The following TENM2 variants were observed in gnomAD, a reference collection of about 807,000 sequenced individuals.
TENM2 encodes teneurin transmembrane protein 2.
Under a neutral mutation model 245.2 loss-of-function variants are expected in TENM2, and 52 were observed. That is an observed-to-expected ratio of 0.21 (90% CI 0.17 to 0.27). The LOEUF is 0.27. TENM2 is among the 10% of genes least tolerant of loss of function. The pLI, the probability that TENM2 is intolerant of heterozygous loss-of-function variation, is 1.00. For synonymous variants in TENM2, 1,363 were observed against 1,438.9 expected, an observed-to-expected ratio of 0.95 and a Z score of 1.19; for missense variants, 3,046 against 3,666.8, an observed-to-expected ratio of 0.83 and a Z score of 4.37.
chr5:167,489,005 T>C (rs1333892127), intron 2 of TENM2, among the ~76,000 whole-genome samples: 1 of 152,146 alleles, frequency 6.6e-6, no homozygotes, highest in Non-Finnish European at 1.5e-5. Context: ...TTTAGAAATA[T>C]TTCAGTAACC....
intron 2 of TENM2, among the ~76,000 whole-genome samples, chr5:167,776,592 T>TG (rs200986454): frequency 0.014 from 499 of 36,814 alleles, 48 homozygotes; most frequent in African/African-American, 0.088. Flanking sequence ...AGACCCTGTC[T>TG]GAAAAAAAAA....
Position 167,932,371 on chromosome 5 carries a change from C to T in TENM2, c.713-20217C>T, listed in dbSNP as rs1392549192. 4.6e-5 allele frequency among the ~76,000 whole-genome samples: 7 copies of T among 152,096 alleles called. 1 individual carries two copies. The highest frequency in any genetic ancestry group is 1.5e-5 in the Non-Finnish European group (1 of 68,018). On this transcript the variant is annotated intron_variant, in intron 3 of 28. Transcript: ENST00000518659. ...GGTAGCTGTCTCATTATTAATTATT[C>T]AGGGTCTTCTTCCATCTTACACACA...
intron 25 of TENM2, among the ~76,000 whole-genome samples, chr5:168,235,094 C>T (rs918621797): frequency 6.6e-6 from 1 of 152,182 alleles, no homozygotes; most frequent in Non-Finnish European, 1.5e-5. Context: ...GCGTGGAGCC[C>T]ACTCAAGCCG....
chr5:167,765,805 G>A (rs1444492170), intron 2 of TENM2, among the ~76,000 whole-genome samples: 4 of 152,246 alleles, frequency 2.6e-5, no homozygotes, highest in South Asian at 4.1e-4. Flanking sequence ...CTTTCTAACC[G>A]TTTCTCAGAA....
intron 2 of TENM2, among the ~76,000 whole-genome samples, chr5:167,516,269 T>G (rs887279542): frequency 6.6e-6 from 1 of 152,140 alleles, no homozygotes; most frequent in Non-Finnish European, 1.5e-5. Context: ...GATTGCAGCA[T>G]AGATTTCATC....
intron 2 of TENM2, among the ~76,000 whole-genome samples, chr5:167,814,876 T>C (rs890370304): frequency 1.3e-5 from 2 of 152,050 alleles, no homozygotes; most frequent in Admixed American, 6.6e-5. Flanking sequence ...TCAGGAAGGG[T>C]TGGCTAGAAC....
chr5:168,158,739 C>T (rs1174781278), intron 12 of TENM2, among the ~76,000 whole-genome samples: 1 of 147,192 alleles, frequency 6.8e-6, no homozygotes, highest in African/African-American at 2.5e-5. Context: ...GCAGGCGGAT[C>T]ACTTGAGGTC....
chr5:167,036,351 G>T, the TENM2 span, among the ~76,000 whole-genome samples: 1 of 152,124 alleles, frequency 6.6e-6, no homozygotes, highest in African/African-American at 2.4e-5. Flanking sequence ...TGAGGACCAC[G>T]CTATTTCAGG....
At chr5:168,070,463 T>A (rs1303018016) in intron 7 of TENM2, among the ~76,000 whole-genome samples, 7 of 151,982 alleles carry the variant, frequency 4.6e-5, no homozygotes, top group Non-Finnish European at 1.0e-4. Context: ...TTATAATTTT[T>A]AAAATATCTA....
At chr5:167,492,617 T>G (rs1349789947) in intron 2 of TENM2, among the ~76,000 whole-genome samples, 1 of 152,144 alleles carries the variant, frequency 6.6e-6, no homozygotes. Context: ...ATGGCAATTT[T>G]TAATACTTTG....
rs542529208 is a variant in TENM2, at chr5:167,466,564, G to T, written c.502+91091G>T. 3.3e-5 allele frequency among the ~76,000 whole-genome samples: 5 copies of T among 152,178 alleles called. 1 individual carries two copies. The South Asian group carries it at 1.0e-3, about 32-fold the overall frequency. On this transcript the variant is annotated intron_variant, in intron 2 of 28. Coordinates refer to ENST00000518659, the Ensembl canonical transcript of TENM2. ...TTGCACCATGATAACATCTTTTGAG[G>T]AATATAATTTTATTGATAACTAAAC... is the stretch of plus-strand genomic sequence containing the variant.
intron 1 of TENM2, among the ~76,000 whole-genome samples, chr5:167,370,709 A>T (rs759386403): frequency 6.6e-6 from 1 of 152,248 alleles, no homozygotes; most frequent in African/African-American, 2.4e-5. Flanking sequence ...CACTTTTATC[A>T]GTGATATCAG....
At chr5:167,758,884 G>A (rs1762479811) in intron 2 of TENM2, among the ~76,000 whole-genome samples, 1 of 151,938 alleles carries the variant, frequency 6.6e-6, no homozygotes, top group African/African-American at 2.4e-5. Context: ...TACAGAAACA[G>A]CTAAAGCTAA....
chr5:167,506,273 C>T (rs184503822), intron 2 of TENM2, among the ~76,000 whole-genome samples: 7 of 152,226 alleles, frequency 4.6e-5, no homozygotes, highest in African/African-American at 9.6e-5. Flanking sequence ...AATTATTATA[C>T]GGTCAGAACA....
chr5:168,255,365 G>A (rs766776823), intron 27 of TENM2, among the ~76,000 whole-genome samples: 7 of 150,998 alleles, frequency 4.6e-5, no homozygotes, highest in East Asian at 2.0e-4. Flanking sequence ...GCAGTGGCAC[G>A]GTCTTGGCTC....
At chr5:167,245,275 C>A in the TENM2 span, among the ~76,000 whole-genome samples, 1 of 152,148 alleles carries the variant, frequency 6.6e-6, no homozygotes, top group African/African-American at 2.4e-5. Context: ...GCCTCCCAGA[C>A]AAAGGGTGCA....
At chr5:168,061,919 A>G in intron 6 of TENM2, 141 bp from the exon 9 acceptor site, 1 of 758,136 alleles carries the variant, frequency 1.3e-6, no homozygotes, top group Non-Finnish European at 2.1e-6. Context: ...TTTAGCTGTA[A>G]CTTAAAAAGA....
chr5:167,546,984 A>C (rs1300865467), intron 2 of TENM2, among the ~76,000 whole-genome samples: 1 of 152,188 alleles, frequency 6.6e-6, no homozygotes, highest in African/African-American at 2.4e-5. Context: ...GCAATGATAC[A>C]TTCCTAACAT....
the TENM2 span, among the ~76,000 whole-genome samples, chr5:167,016,281 C>CAAAAAAA: frequency 5.1e-5 from 4 of 78,842 alleles, no homozygotes; most frequent in Non-Finnish European, 7.9e-5. Context: ...AACAAACAAA[C>CAAAAAAA]AAAAAAAAAA....
Sources: gnomAD v4.1 joint callset for allele counts (sites outside exome capture counted in the v4.1 genomes callset) on GRCh38, gnomAD v4.1.1 for gene constraint, MANE v1.5 for transcripts, NCBI Gene and HGNC (gene_info 2026-07-23, HGNC 2026-07-21) for gene names.